The following NR3C2 variants were observed in gnomAD, a reference collection of about 807,000 sequenced individuals.
NR3C2 encodes the protein mineralocorticoid receptor.
A neutral mutation model predicts 86.4 loss-of-function variants in NR3C2; 15 were observed. The ratio of observed to expected loss-of-function variants is 0.17; its 90% CI spans 0.12 to 0.27. The LOEUF (loss-of-function observed/expected upper bound fraction) is 0.27, where lower values mean the gene tolerates loss of function less well. Ranked by LOEUF, NR3C2 falls within the 10% of genes least tolerant of loss-of-function variation. The probability of loss-of-function intolerance (pLI) is 1.00; values close to 1 mark genes in which losing one functional copy is unlikely to be tolerated. For synonymous variants in NR3C2, 458 were observed against 450.5 expected (o/e 1.02, Z -0.21); for missense variants, 960 against 1,195.6 (o/e 0.80, Z 2.91).
chr4:148,221,433 A>G (rs540340232), intron 3 of NR3C2, among the ~76,000 whole-genome samples: 1 of 152,330 alleles, frequency 6.6e-6, no homozygotes, highest in East Asian at 1.9e-4. Context: ...TACAAATGAA[A>G]ACTGGTGGTA....
chr4:148,133,658 T>C (rs1463900414), intron 6 of NR3C2, among the ~76,000 whole-genome samples: 1 of 152,230 alleles, frequency 6.6e-6, no homozygotes, highest in East Asian at 1.9e-4. Flanking sequence ...GTCATATTCT[T>C]CCTAAAGCAA....
intron 4 of NR3C2, among the ~76,000 whole-genome samples, chr4:148,184,528 C>T (rs541064991): frequency 6.6e-6 from 1 of 151,636 alleles, no homozygotes; most frequent in Non-Finnish European, 1.5e-5. Flanking sequence ...TATATTACAG[C>T]GTGAATAAGA....
At chr4:148,136,375 T>C (rs754124995) in intron 6 of NR3C2, among the ~76,000 whole-genome samples, 2 of 151,354 alleles carry the variant, frequency 1.3e-5, no homozygotes, top group Middle Eastern at 3.2e-3. Flanking sequence ...GAAGCAGAAA[T>C]GGTGAGGGAA....
chr4:148,100,834 C>G (rs149265537), intron 8 of NR3C2, among the ~76,000 whole-genome samples: 30 of 152,180 alleles, frequency 2.0e-4, no homozygotes, highest in Middle Eastern at 3.4e-3. Flanking sequence ...GACAGATTAG[C>G]AGGCAAACAC....
intron 3 of NR3C2, among the ~76,000 whole-genome samples, chr4:148,214,373 T>A (rs10050039): frequency 0.36 from 54,475 of 151,538 alleles, 10,058 homozygotes; most frequent in South Asian, 0.49. Context: ...TTTTTTTTTT[T>A]AAAAAGGAAA....
intron 2 of NR3C2, among the ~76,000 whole-genome samples, chr4:148,400,116 A>G (rs551568575): frequency 7.9e-5 from 12 of 152,356 alleles, no homozygotes; most frequent in African/African-American, 2.9e-4. Context: ...ACGCTTTTTC[A>G]AGCATCAAGG....
chr4:148,086,500 T>G lies in NR3C2; in HGVS notation c.2800-5001A>C, dbSNP rs538732807. The stretch of plus-strand genomic sequence containing the variant: ...CTGTTATCCCAGCACTTTGAGAGGC[T>G]GAGGTGGGCGGATCACTTGAGGTCA... On this transcript the variant is annotated intron_variant, in intron 8 of 8. Coordinates refer to ENST00000358102, the MANE Select transcript of NR3C2 (RefSeq NM_000901.5). 1.8e-4 allele frequency among the ~76,000 whole-genome samples: 27 copies of G among 152,302 alleles called. 1 individual carries two copies. The East Asian group carries it at 4.0e-3, about 23-fold the overall frequency.
intron 2 of NR3C2, among the ~76,000 whole-genome samples, chr4:148,339,183 C>T (rs1439561588): frequency 6.6e-6 from 1 of 152,164 alleles, no homozygotes; most frequent in Non-Finnish European, 1.5e-5. Context: ...GGCAGACGAT[C>T]AGCCTGGAAG....
At chr4:148,282,486 G>C (rs533116825) in intron 2 of NR3C2, among the ~76,000 whole-genome samples, 1 of 152,328 alleles carries the variant, frequency 6.6e-6, no homozygotes, top group Admixed American at 6.5e-5. Flanking sequence ...TACAGCATAA[G>C]AGTATGTGCA....
chr4:148,363,506 C>CTCTTTT (rs1209067968), intron 2 of NR3C2, among the ~76,000 whole-genome samples: 2 of 110,774 alleles, frequency 1.8e-5, no homozygotes, highest in East Asian at 2.6e-4. Context: ...TCATAGATCT[C>CTCTTTT]TTTTTTTTTT....
At position 148,260,085 on chromosome 4, in the gene NR3C2, G is replaced by A. The variant is rs1740020820; in HGVS notation, c.1790C>T (p.Ser597Leu). The A allele has an allele frequency of 6.2e-7, 1 of 1,613,988 alleles. No individual in the cohort carries two copies. The highest frequency in any genetic ancestry group is 1.3e-5 in the African/African-American group (1 of 74,938). ...STLRSVSTGS[S>L]RPSKICLVCG... ...CACCAAACATATTTTTGAAGGTCTT[G>A]AAGATCCAGTAGAAACACTTCGTAA... Residue 597 changes from serine to leucine, a missense_variant, in exon 3 of 9, where the codon TCA (serine) becomes TTA (leucine). Transcript: ENST00000358102.
rs185121086 is a variant in NR3C2 at position 148,306,021 on chromosome 4, C to T, written c.1758-45904G>A. Among the ~76,000 whole-genome samples the T allele has an allele frequency of 1.3e-4, 20 of 152,302 alleles. 2 individuals are homozygous for T. In the East Asian group the frequency reaches 2.9e-3, roughly 22 times the overall value. On this transcript the variant is annotated intron_variant, in intron 2 of 8. Transcript: ENST00000358102. ...AAAGTTGGTTCTATTTTGAAACAGACTATTCCATGATAGCCATCTGGCCAA... is the reference window on the plus strand; with the variant it reads ...AAAGTTGGTTCTATTTTGAAACAGATTATTCCATGATAGCCATCTGGCCAA...
intron 3 of NR3C2, among the ~76,000 whole-genome samples, chr4:148,220,014 C>T (rs1436500182): frequency 6.6e-6 from 1 of 152,102 alleles, no homozygotes; most frequent in Non-Finnish European, 1.5e-5. Flanking sequence ...CCTCAACTTC[C>T]CAGGCTCAAG....
intron 2 of NR3C2, among the ~76,000 whole-genome samples, chr4:148,349,788 T>TAA (rs1745179469): frequency 6.6e-6 from 1 of 152,190 alleles, no homozygotes; most frequent in Non-Finnish European, 1.5e-5. Flanking sequence ...CATTACTTGC[T>TAA]AAATTTCTTT....
chr4:148,162,198 A>G (rs1190969700), intron 4 of NR3C2, among the ~76,000 whole-genome samples: 2 of 152,212 alleles, frequency 1.3e-5, no homozygotes, highest in Non-Finnish European at 2.9e-5. Context: ...TTACAGAGAC[A>G]ATAACAAATT....
At chr4:148,438,479 A>G (rs892672221) in intron 1 of NR3C2, among the ~76,000 whole-genome samples, 1 of 152,218 alleles carries the variant, frequency 6.6e-6, no homozygotes, top group Admixed American at 6.5e-5. Flanking sequence ...TAAACAATCT[A>G]TGGCCCAAAA....
chr4:148,107,640 T>A (rs1202144989), intron 8 of NR3C2, among the ~76,000 whole-genome samples: 4 of 152,168 alleles, frequency 2.6e-5, no homozygotes, highest in Non-Finnish European at 5.9e-5. Flanking sequence ...ATGTGGCACA[T>A]AAACACCATC....
chr4:148,413,605 G>A (rs1044896606), intron 2 of NR3C2, among the ~76,000 whole-genome samples: 3 of 152,094 alleles, frequency 2.0e-5, no homozygotes, highest in South Asian at 2.1e-4. Context: ...AGTTTAATGC[G>A]CAGATTAATA....
chr4:148,435,337 G>C lies in NR3C2; in HGVS notation c.1524C>G (p.Ile508Met). The change falls in exon 2 of 9, where the codon ATC becomes ATG. Residue 508 changes from isoleucine (I) to methionine (M), a missense_variant. Around this residue, in one of 4 missense-constraint regions of NR3C2, gnomAD observed 680 missense variants for 719.0 expected, o/e 0.95. Coordinates refer to ENST00000358102, the MANE Select transcript of NR3C2 (RefSeq NM_000901.5). ...TCACCCCAACAATAGCAGAGGAAGG[G>C]ATGCTGGCCTCTGGGTAATAGCTCC... The part of the protein sequence containing the change: ...DDGSYYPEAS[I>M]PSSAIVGVNS... The C allele has an allele frequency of 6.2e-7, 1 of 1,614,192 alleles. No homozygotes were observed.
Sources: allele counts gnomAD v4.1 joint callset (sites outside exome capture counted in the v4.1 genomes callset), GRCh38; gene constraint gnomAD v4.1.1; regional missense constraint gnomAD v4.1.1; transcripts MANE v1.5; gene names NCBI Gene and HGNC (gene_info 2026-07-23, HGNC 2026-07-21).